The following DENND2C variants were observed in gnomAD, a reference collection of about 807,000 sequenced individuals.
DENND2C encodes DENN domain containing 2C.
Under a neutral mutation model 112.4 loss-of-function variants are expected in DENND2C, and 72 were observed. The observed-to-expected ratio is 0.64, with a 90% CI of 0.53 to 0.78. The LOEUF (loss-of-function observed/expected upper bound fraction) is 0.78, where lower values mean the gene tolerates loss of function less well. Among genes scored for constraint, DENND2C ranks in the 30% least tolerant of loss-of-function variants. The pLI is 0.00. For synonymous variants in DENND2C, 329 were observed against 381.6 expected (o/e 0.86, Z 1.61); for missense variants, 992 against 1,113.8 (o/e 0.89, Z 1.56).
chr1:114,651,095 T>C (rs1184013574), intron 2 of DENND2C, among the ~76,000 whole-genome samples: 5 of 148,598 alleles, frequency 3.4e-5, no homozygotes, highest in Admixed American at 2.7e-4. Context: ...GGCGACACAG[T>C]GAGACTCGAG....
intron 1 of DENND2C, among the ~76,000 whole-genome samples, chr1:114,666,324 T>C (rs1401265139): frequency 6.6e-6 from 1 of 152,220 alleles, no homozygotes; most frequent in Non-Finnish European, 1.5e-5. Flanking sequence ...TTTCAGCTTA[T>C]CTTTCCTAAA....
intron 7 of DENND2C, 69 bp downstream of exon 7, chr1:114,621,826 A>C: frequency 6.5e-7 from 1 of 1,532,432 alleles, no homozygotes; most frequent in South Asian, 1.2e-5. Context: ...TTCGGTCTAA[A>C]GTTTACTTAT....
At chr1:114,644,442 A>G (rs1222050289) in intron 3 of DENND2C, among the ~76,000 whole-genome samples, 2 of 152,174 alleles carry the variant, frequency 1.3e-5, no homozygotes, top group Non-Finnish European at 2.9e-5. Context: ...AAAATCCTAA[A>G]TATAAGAATG....
At chr1:114,663,279 T>G (rs1657550204) in intron 1 of DENND2C, among the ~76,000 whole-genome samples, 1 of 152,202 alleles carries the variant, frequency 6.6e-6, no homozygotes, top group Non-Finnish European at 1.5e-5. Context: ...GGTTTCAATG[T>G]CCCCACTTTC....
intron 18 of DENND2C, among the ~76,000 whole-genome samples, chr1:114,592,350 T>C (rs963871657): frequency 2.0e-5 from 3 of 152,224 alleles, no homozygotes; most frequent in Admixed American, 6.5e-5. Context: ...TAATTTTTGA[T>C]GTCTAGTAGT....
chr1:114,653,298 C>T (rs1211638933), intron 2 of DENND2C, among the ~76,000 whole-genome samples: 3 of 151,828 alleles, frequency 2.0e-5, no homozygotes, highest in Admixed American at 6.6e-5. Flanking sequence ...TAGTAGAGAT[C>T]GGGTTTCATC....
At chr1:114,647,672 C>CA (rs1364132771) in intron 2 of DENND2C, among the ~76,000 whole-genome samples, 5 of 152,216 alleles carry the variant, frequency 3.3e-5, no homozygotes, top group African/African-American at 9.6e-5. Context: ...TCGCCTGCCT[C>CA]AGCCTCCCAA....
At chr1:114,631,790 G>GA (rs965701510) in intron 3 of DENND2C, among the ~76,000 whole-genome samples, 33 of 149,490 alleles carry the variant, frequency 2.2e-4, no homozygotes, top group Admixed American at 1.3e-4. Context: ...TCAAAAAAGA[G>GA]AAAAAAAAAG....
chr1:114,592,012 G>A (rs1655207773), intron 18 of DENND2C, among the ~76,000 whole-genome samples: 1 of 151,990 alleles, frequency 6.6e-6, no homozygotes, highest in South Asian at 2.1e-4. Flanking sequence ...AGCATACTGA[G>A]TAGCTGGAAT....
At chr1:114,646,593 C>T (rs1366322308) in intron 2 of DENND2C, among the ~76,000 whole-genome samples, 4 of 152,264 alleles carry the variant, frequency 2.6e-5, no homozygotes, top group Non-Finnish European at 5.9e-5. Context: ...CCGCCAACTC[C>T]GTTTTGTTTG....
At chr1:114,600,174 G>A in intron 15 of DENND2C, 30 bp downstream of exon 15, 2 of 1,595,378 alleles carry the variant, frequency 1.3e-6, no homozygotes, top group South Asian at 2.3e-5. Context: ...AAACACCAGT[G>A]TGAAGTAACA....
At chr1:114,656,369 C>T (rs1657327158) in intron 1 of DENND2C, among the ~76,000 whole-genome samples, 1 of 151,046 alleles carries the variant, frequency 6.6e-6, no homozygotes, top group South Asian at 2.1e-4. Flanking sequence ...CCACTATGTT[C>T]AGCCTGTTAT....
Position 114,639,587 on chromosome 1 carries a change from A to C in DENND2C, c.-205+5861T>G, listed in dbSNP as rs956646853. ...GCAGGAGGGAGACTCCATCTTGAAA[A>C]AAAAAAAAAAAGAATTTTTATTTCA... On this transcript the variant is annotated intron_variant, in intron 3 of 20. Transcript: ENST00000393274. 1.6e-3 allele frequency among the ~76,000 whole-genome samples: 241 copies of C among 151,878 alleles called. 4 individuals carry two copies. Among genetic ancestry groups the C allele is most frequent in the African/African-American group, 5.6e-3 (234 of 41,492 alleles).
chr1:114,649,794 G>T (rs1254747176), intron 2 of DENND2C, among the ~76,000 whole-genome samples: 1 of 151,972 alleles, frequency 6.6e-6, no homozygotes, highest in African/African-American at 2.4e-5. Context: ...TTTTCCAAAA[G>T]CTAAAAAGAA....
intron 3 of DENND2C, among the ~76,000 whole-genome samples, chr1:114,637,488 A>T (rs1233157469): frequency 6.6e-6 from 1 of 152,110 alleles, no homozygotes; most frequent in Non-Finnish European, 1.5e-5. Flanking sequence ...ACATACACAG[A>T]TATTACACAT....
chr1:114,600,080 C>T (rs1655453891), intron 15 of DENND2C, 124 bp downstream of exon 15: 1 of 1,072,092 alleles, frequency 9.3e-7, no homozygotes, highest in African/African-American at 1.6e-5. Flanking sequence ...AATGAACCTG[C>T]ACGTTGTGCA....
intron 8 of DENND2C, among the ~76,000 whole-genome samples, chr1:114,613,551 A>G (rs993966393): frequency 6.6e-5 from 10 of 152,210 alleles, no homozygotes; most frequent in Non-Finnish European, 1.3e-4. Context: ...ATAAAATATT[A>G]TTCAGAGAAA....
At chr1:114,605,740 G>A (rs1322422894) in intron 10 of DENND2C, among the ~76,000 whole-genome samples, 1 of 152,190 alleles carries the variant, frequency 6.6e-6, no homozygotes, top group Non-Finnish European at 1.5e-5. Context: ...GCTGCAGTGA[G>A]GCATGATTGC....
At chr1:114,647,012 A>G (rs903598929) in intron 2 of DENND2C, among the ~76,000 whole-genome samples, 3 of 152,048 alleles carry the variant, frequency 2.0e-5, no homozygotes, top group Non-Finnish European at 4.4e-5. Flanking sequence ...ATACAAAAAT[A>G]AGCTGGACGT....
Sources: allele counts gnomAD v4.1 joint callset (sites outside exome capture counted in the v4.1 genomes callset), GRCh38; gene constraint gnomAD v4.1.1; transcripts MANE v1.5; gene names NCBI Gene and HGNC (gene_info 2026-07-23, HGNC 2026-07-21).